Variants in SIPA1L3 observed in about 807,000 individuals in gnomAD.
SIPA1L3 encodes the protein signal induced proliferation associated 1 like 3, also known as signal-induced proliferation-associated 1-like protein 3.
A neutral mutation model predicts 150.1 loss-of-function variants in SIPA1L3; 59 were observed. The observed-to-expected ratio is 0.39, with a 90% CI of 0.32 to 0.49. The LOEUF is 0.49. Among genes scored for constraint, SIPA1L3 ranks in the 20% least tolerant of loss-of-function variants. The pLI is 0.86. For missense variants in SIPA1L3, 2,211 were observed against 2,489.5 expected (o/e 0.89, Z 2.38); for synonymous variants, 1,070 against 1,077.6 (o/e 0.99, Z 0.14).
chr19:38,043,837 A>G (rs1623976), intron 2 of SIPA1L3, among the ~76,000 whole-genome samples: 62,016 of 151,976 alleles, frequency 0.41, 14,362 homozygotes, highest in African/African-American at 0.64. Context: ...GAGGTCTGCT[A>G]GGGACTGGGG....
At chr19:38,035,569 A>G (rs529005335) in intron 2 of SIPA1L3, among the ~76,000 whole-genome samples, 3 of 152,314 alleles carry the variant, frequency 2.0e-5, no homozygotes, top group African/African-American at 7.2e-5. Flanking sequence ...GGGTCTAGTC[A>G]TAGCTGAGCC....
chr19:38,139,734 A>G (rs1300512181), intron 10 of SIPA1L3, among the ~76,000 whole-genome samples: 1 of 152,170 alleles, frequency 6.6e-6, no homozygotes, highest in Non-Finnish European at 1.5e-5. Flanking sequence ...GATAATGGAT[A>G]AAGAACAGAC....
intron 1 of SIPA1L3, among the ~76,000 whole-genome samples, chr19:38,000,521 G>A (rs1967758162): frequency 6.7e-6 from 1 of 150,306 alleles, no homozygotes; most frequent in African/African-American, 2.4e-5. Context: ...ATAAATAGTG[G>A]TTCAGATGGA....
intron 9 of SIPA1L3, among the ~76,000 whole-genome samples, chr19:38,121,601 T>G (rs1971019026): frequency 6.6e-6 from 1 of 151,588 alleles, no homozygotes; most frequent in African/African-American, 2.4e-5. Flanking sequence ...TAGCCAGGCA[T>G]GGTGGCGGGT....
chr19:38,081,676 G>C lies in SIPA1L3; in HGVS notation c.111G>C (p.Leu37Phe). The change falls in exon 3 of 22, where the codon TTG (leucine) becomes TTC (phenylalanine). Residue 37 changes from leucine (L) to phenylalanine (F), a missense_variant. Leu to Phe is a conservative substitution (Grantham distance 22). Coordinates refer to ENST00000222345, the MANE Select transcript of SIPA1L3 (RefSeq NM_015073.3). ...PGPHTGDYAP[L>F]GFWAQNGSMS... ...CACACACAGGGGACTACGCTCCCTTGGGATTCTGGGCCCAGAATGGCAGCA... is the reference window on the plus strand; with the variant it reads ...CACACACAGGGGACTACGCTCCCTTCGGATTCTGGGCCCAGAATGGCAGCA... 1 of 1,612,270 alleles carries C rather than the reference G, an allele frequency of 6.2e-7. No individual in the cohort carries two copies. Among genetic ancestry groups the C allele is most frequent in the South Asian group, 1.1e-5 (1 of 91,072 alleles).
intron 10 of SIPA1L3, among the ~76,000 whole-genome samples, chr19:38,136,758 C>G (rs1971445953): frequency 6.6e-6 from 1 of 152,182 alleles, no homozygotes. Context: ...CAGGAATCTT[C>G]ATTATTTGCT....
At chr19:38,196,026 C>G (rs926274996) in intron 18 of SIPA1L3, among the ~76,000 whole-genome samples, 12 of 152,160 alleles carry the variant, frequency 7.9e-5, no homozygotes, top group African/African-American at 2.9e-4. Flanking sequence ...CTGACTCCCC[C>G]ACACCCCTGA....
intron 1 of SIPA1L3, among the ~76,000 whole-genome samples, chr19:37,987,585 T>C (rs1292482583): frequency 6.6e-6 from 1 of 152,212 alleles, no homozygotes; most frequent in Non-Finnish European, 1.5e-5. Context: ...TGTCTCCAAA[T>C]GTCCCCTGGA....
At chr19:38,129,749 A>G (rs572158893) in intron 9 of SIPA1L3, among the ~76,000 whole-genome samples, 6 of 152,070 alleles carry the variant, frequency 3.9e-5, no homozygotes, top group Admixed American at 6.6e-5. Flanking sequence ...TCATTGTGTC[A>G]GTCAGGATAC....
At chr19:38,085,567 G>A (rs1234462334) in intron 3 of SIPA1L3, among the ~76,000 whole-genome samples, 2 of 151,720 alleles carry the variant, frequency 1.3e-5, no homozygotes, top group Non-Finnish European at 2.9e-5. Context: ...TGAAATAGAT[G>A]TAAAGGTTGA....
At chr19:38,169,580 G>T (rs1972282615) in intron 15 of SIPA1L3, among the ~76,000 whole-genome samples, 1 of 152,206 alleles carries the variant, frequency 6.6e-6, no homozygotes, top group Admixed American at 6.5e-5. Context: ...GGTAAAGATT[G>T]AATGTACCCT....
At chr19:38,147,737 T>C (rs988445838) in intron 12 of SIPA1L3, among the ~76,000 whole-genome samples, 2 of 151,140 alleles carry the variant, frequency 1.3e-5, no homozygotes, top group Non-Finnish European at 3.0e-5. Context: ...TGGGTTCCAT[T>C]GATCTATACG....
chr19:38,130,507 A>C lies in SIPA1L3; in HGVS notation c.2878A>C (p.Ser960Arg). 6.2e-7 allele frequency: 1 copy of C among 1,611,226 alleles called. No homozygotes were observed. The highest frequency in any genetic ancestry group is 8.5e-7 in the Non-Finnish European group (1 of 1,178,984). ...EIVQRLKVMT[S>R]GWETVDMTLR... ...TGCCTGTGGCCTGCAGGTGATGACCAGTGGCTGGGAGACGGTGGACATGAC... is the reference window on the plus strand; with the variant it reads ...TGCCTGTGGCCTGCAGGTGATGACCCGTGGCTGGGAGACGGTGGACATGAC... Residue 960 changes from serine (S) to arginine (R), a missense_variant, in exon 10 of 22, where the codon AGT becomes CGT. Ser to Arg is a moderately radical substitution (Grantham distance 110, BLOSUM62 -1). Coordinates refer to ENST00000222345, the MANE Select transcript of SIPA1L3 (RefSeq NM_015073.3).
chr19:38,046,038 C>T lies in SIPA1L3; in HGVS notation c.-311+16882C>T, dbSNP rs747753651. On this transcript the variant is annotated intron_variant, in intron 2 of 21. Coordinates refer to ENST00000222345, the MANE Select transcript of SIPA1L3 (RefSeq NM_015073.3). This position sits in a 1 kb window ranked among gnomAD's most constrained non-coding sequence, Gnocchi z 5.6. ...CTTCCTCCCCCAGGACAGTTTGTAC[C>T]GCTCCAGGGTCACGTCAGAGACTCC... 1.3e-5 allele frequency among the ~76,000 whole-genome samples: 2 copies of T among 152,136 alleles called. No homozygotes were observed. The highest frequency in any genetic ancestry group is 2.4e-5 in the African/African-American group (1 of 41,434).
At chr19:37,990,499 T>C (rs1348589808) in intron 1 of SIPA1L3, among the ~76,000 whole-genome samples, 1 of 152,152 alleles carries the variant, frequency 6.6e-6, no homozygotes, top group African/African-American at 2.4e-5. Context: ...TTCAGAGCGC[T>C]CTCTTCTGGC....
intron 1 of SIPA1L3, among the ~76,000 whole-genome samples, chr19:37,981,611 C>T (rs185773641): frequency 1.1e-3 from 166 of 152,144 alleles, no homozygotes; most frequent in African/African-American, 3.9e-3. Context: ...CCTATTATTT[C>T]ACAGCCTCTG....
chr19:37,950,167 A>T (rs1884144883), intron 1 of SIPA1L3, among the ~76,000 whole-genome samples: 1 of 150,858 alleles, frequency 6.6e-6, no homozygotes, highest in African/African-American at 2.4e-5. Flanking sequence ...TGGACTCATC[A>T]CCTCACTCTT....
intron 3 of SIPA1L3, among the ~76,000 whole-genome samples, chr19:38,083,311 C>T (rs1301132917): frequency 6.6e-6 from 1 of 152,198 alleles, no homozygotes; most frequent in Non-Finnish European, 1.5e-5. Flanking sequence ...CTCCATAAAC[C>T]TTGAGCTACA....
At chr19:38,174,995 G>T (rs925325083) in intron 15 of SIPA1L3, among the ~76,000 whole-genome samples, 1 of 152,150 alleles carries the variant, frequency 6.6e-6, no homozygotes, top group Admixed American at 6.6e-5. Flanking sequence ...ATCGTTAACA[G>T]TTGTTGTCAC....
Sources: gnomAD v4.1 joint callset for allele counts (sites outside exome capture counted in the v4.1 genomes callset) on GRCh38, gnomAD v4.1.1 for gene constraint, Gnocchi (gnomAD v3.1) non-coding constraint, MANE v1.5 for transcripts, NCBI Gene and HGNC (gene_info 2026-07-23, HGNC 2026-07-21) for gene names.